Variants in NEK7 observed in about 807,000 individuals in gnomAD.
NEK7 encodes serine/threonine-protein kinase Nek7.
Under a neutral mutation model 44.6 loss-of-function variants are expected in NEK7, and 18 were observed. The ratio of observed to expected loss-of-function variants is 0.40; its 90% confidence interval spans 0.28 to 0.60. The LOEUF (loss-of-function observed/expected upper bound fraction) is 0.60. NEK7 is among the 20% of genes least tolerant of loss of function. The pLI is 0.38. For synonymous variants in NEK7, 130 were observed against 121.1 expected, an observed-to-expected ratio of 1.07 and a Z score of -0.48; for missense variants, 256 against 366.5, an observed-to-expected ratio of 0.70 and a Z score of 2.46.
At chr1:198,222,452 C>T (rs1478504241) in intron 1 of NEK7, among the ~76,000 whole-genome samples, 4 of 152,154 alleles carry the variant, frequency 2.6e-5, no homozygotes, top group Admixed American at 2.6e-4. Context: ...GTGTGAATCT[C>T]ATTCTGTACT....
intron 1 of NEK7, among the ~76,000 whole-genome samples, chr1:198,173,782 TAAAA>T (rs939223521): frequency 6.6e-6 from 1 of 152,274 alleles, no homozygotes; most frequent in Admixed American, 6.5e-5. Context: ...TATTTTTATA[TAAAA>T]AACTTTATAA....
chr1:198,177,503 T>C (rs988845363), intron 1 of NEK7, among the ~76,000 whole-genome samples: 7 of 152,250 alleles, frequency 4.6e-5, no homozygotes, highest in African/African-American at 1.4e-4. Flanking sequence ...TCAAAAATTA[T>C]TTGAAAATGT....
At chr1:198,292,086 A>G (rs1472459396) in intron 7 of NEK7, among the ~76,000 whole-genome samples, 1 of 152,110 alleles carries the variant, frequency 6.6e-6, no homozygotes, top group Non-Finnish European at 1.5e-5. Flanking sequence ...CTATTTGGCA[A>G]AAAGCCTTAG....
intron 5 of NEK7, among the ~76,000 whole-genome samples, chr1:198,276,863 A>G (rs1654032792): frequency 6.6e-6 from 1 of 151,670 alleles, no homozygotes; most frequent in African/African-American, 2.4e-5. Flanking sequence ...TTTTCCATTC[A>G]GCCTGCCCTC....
intron 1 of NEK7, among the ~76,000 whole-genome samples, chr1:198,168,668 A>C (rs982373306): frequency 6.6e-6 from 1 of 152,188 alleles, no homozygotes; most frequent in Non-Finnish European, 1.5e-5. Flanking sequence ...CTGTGATTAC[A>C]TTCCCTTTAT....
At chr1:198,215,073 C>A (rs114928641) in intron 1 of NEK7, among the ~76,000 whole-genome samples, 3,767 of 152,156 alleles carry the variant, frequency 0.025, 70 homozygotes, top group African/African-American at 0.047. Flanking sequence ...TTGTATTGAG[C>A]AAAACTAGTT....
rs200229636 is a variant in NEK7 at position 198,224,650 on chromosome 1, TTA to T, written c.-28-7890_-28-7889del. Among the ~76,000 whole-genome samples, 28 of 151,666 alleles carry T rather than the reference TTA, an allele frequency of 1.8e-4. No homozygotes were observed. In the South Asian group the frequency reaches 5.6e-3, roughly 30 times the overall value. On this transcript the variant is annotated intron_variant, in intron 1 of 9. Transcript: ENST00000367385. Reference sequence around the variant, plus strand: ...TTTTTGGAAAATGTAGCTATTTATTTTATATATATATATAAAATGGGCTTATG... The same window carrying T: ...TTTTTGGAAAATGTAGCTATTTATTTTATATATATATAAAATGGGCTTATG...
chr1:198,272,139 A>G (rs1426685919), intron 5 of NEK7, among the ~76,000 whole-genome samples: 1 of 151,602 alleles, frequency 6.6e-6, no homozygotes, highest in African/African-American at 2.4e-5. Context: ...AGCAGTATAG[A>G]ACTTAGAGAT....
intron 9 of NEK7, among the ~76,000 whole-genome samples, chr1:198,307,489 C>T (rs922533579): frequency 3.9e-5 from 6 of 152,066 alleles, no homozygotes; most frequent in Admixed American, 3.3e-4. Flanking sequence ...AAATTTTATT[C>T]ATTACAGAGT....
At chr1:198,190,195 G>A (rs1445531850) in intron 1 of NEK7, among the ~76,000 whole-genome samples, 3 of 151,898 alleles carry the variant, frequency 2.0e-5, no homozygotes, top group South Asian at 2.1e-4. Flanking sequence ...ATCAAAATCC[G>A]CTATGAAAAC....
intron 1 of NEK7, among the ~76,000 whole-genome samples, chr1:198,213,298 A>G (rs1665829024): frequency 6.6e-6 from 1 of 152,138 alleles, no homozygotes; most frequent in South Asian, 2.1e-4. Flanking sequence ...TGAACTTTAC[A>G]CTAGTGGAAA....
chr1:198,271,197 G>T (rs1653833992), intron 5 of NEK7, among the ~76,000 whole-genome samples: 1 of 151,964 alleles, frequency 6.6e-6, no homozygotes, highest in South Asian at 2.1e-4. Flanking sequence ...TGTCCTTCTT[G>T]ATTAACTCAA....
chr1:198,280,075 CT>C (rs1338235649), intron 7 of NEK7, among the ~76,000 whole-genome samples: 3 of 151,826 alleles, frequency 2.0e-5, no homozygotes, highest in African/African-American at 7.3e-5. Flanking sequence ...TAGTTTTTTT[CT>C]CCTTTCACTT....
At chr1:198,313,997 A>G (rs1387349935) in intron 9 of NEK7, among the ~76,000 whole-genome samples, 1 of 150,970 alleles carries the variant, frequency 6.6e-6, no homozygotes. Context: ...TAGATTGGGG[A>G]AGTTCTCCCG....
intron 1 of NEK7, among the ~76,000 whole-genome samples, chr1:198,205,730 C>A (rs995424778): frequency 1.3e-5 from 2 of 151,690 alleles, no homozygotes; most frequent in Non-Finnish European, 2.9e-5. Context: ...AATCCTTTTG[C>A]CTATTTAATA....
intron 7 of NEK7, among the ~76,000 whole-genome samples, chr1:198,286,156 C>T (rs567002062): frequency 2.0e-5 from 3 of 152,246 alleles, no homozygotes; most frequent in South Asian, 2.1e-4. Context: ...TTCAAATACT[C>T]ATATGGACTA....
intron 3 of NEK7, among the ~76,000 whole-genome samples, chr1:198,261,204 C>T (rs1002233555): frequency 2.0e-5 from 3 of 151,964 alleles, no homozygotes. Flanking sequence ...ACTTTGTACA[C>T]ACATATATTT....
intron 1 of NEK7, among the ~76,000 whole-genome samples, chr1:198,202,508 G>A (rs1665462096): frequency 6.6e-6 from 1 of 152,170 alleles, no homozygotes; most frequent in African/African-American, 2.4e-5. Context: ...CCAGTTCACT[G>A]GTGAGTGTTA....
At chr1:198,198,543 A>T (rs2102785660) in intron 1 of NEK7, among the ~76,000 whole-genome samples, 1 of 152,316 alleles carries the variant, frequency 6.6e-6, no homozygotes, top group Middle Eastern at 3.4e-3. Flanking sequence ...GTAAAGTCTC[A>T]GTCTTGGTTC....
Sources: gnomAD v4.1 joint callset for allele counts (sites outside exome capture counted in the v4.1 genomes callset) on GRCh38, gnomAD v4.1.1 for gene constraint, MANE v1.5 for transcripts, NCBI Gene and HGNC (gene_info 2026-07-23, HGNC 2026-07-21) for gene names.